The following MIS18A variants were observed in gnomAD, a reference collection of about 807,000 sequenced individuals.
MIS18A encodes the protein MIS18 kinetochore protein A.
In MIS18A, 14 loss-of-function variants were observed where a neutral mutation model predicts 25.0. The ratio of observed to expected loss-of-function variants is 0.56; its 90% CI spans 0.37 to 0.88. The LOEUF (loss-of-function observed/expected upper bound fraction) is 0.88. MIS18A is among the 40% of genes least tolerant of loss of function. MIS18A has a pLI of 0.00. For missense variants in MIS18A, 292 were observed against 290.8 expected (o/e 1.00, Z -0.03); for synonymous variants, 134 against 118.6 (o/e 1.13, Z -0.84).
At chr21:32,221,189 C>T in the MIS18A span, among the ~76,000 whole-genome samples, 1 of 152,006 alleles carries the variant, frequency 6.6e-6, no homozygotes, top group Non-Finnish European at 1.5e-5. Flanking sequence ...ACAGATTCAC[C>T]AAGGTTGAAA....
downstream of MIS18A, among the ~76,000 whole-genome samples, chr21:32,265,719 A>G (rs1028985755): frequency 7.2e-5 from 11 of 152,370 alleles, no homozygotes; most frequent in African/African-American, 1.7e-4. Flanking sequence ...GAATGCGAGC[A>G]CAGGGCACAG....
chr21:32,187,805 T>C, the MIS18A span, among the ~76,000 whole-genome samples: 1 of 152,196 alleles, frequency 6.6e-6, no homozygotes, highest in African/African-American at 2.4e-5. Context: ...TTTTACCCTA[T>C]TTGCATGCTA....
the MIS18A span, among the ~76,000 whole-genome samples, chr21:32,253,160 C>T: frequency 1.3e-5 from 2 of 152,146 alleles, no homozygotes; most frequent in Non-Finnish European, 1.5e-5. Flanking sequence ...TGGTGCCCCC[C>T]CGCACGACCC....
the MIS18A span, among the ~76,000 whole-genome samples, chr21:32,241,814 A>C: frequency 1.3e-5 from 2 of 152,364 alleles, no homozygotes; most frequent in Admixed American, 6.5e-5. Context: ...CCCACAGAAG[A>C]CTCAAAGAAA....
downstream of MIS18A, among the ~76,000 whole-genome samples, chr21:32,264,868 G>A (rs1407632646): frequency 6.6e-6 from 1 of 152,202 alleles, no homozygotes; most frequent in Non-Finnish European, 1.5e-5. Flanking sequence ...GGTGCCTCCA[G>A]TGGACTCTTT....
intron 2 of MIS18A, among the ~76,000 whole-genome samples, chr21:32,274,294 T>G (rs1296425363): frequency 7.9e-6 from 1 of 127,288 alleles, no homozygotes; most frequent in Non-Finnish European, 1.6e-5. Flanking sequence ...AACCTCCACC[T>G]CCGTAGTTCT....
Position 32,279,032 on chromosome 21 carries a change from C to A in MIS18A, c.-18G>T, listed in dbSNP as rs771463720. The A allele has an allele frequency of 1.3e-6, 2 of 1,570,882 alleles. No homozygotes were observed. Among genetic ancestry groups the A allele is most frequent in the African/African-American group, 2.7e-5 (2 of 73,902 alleles). On this transcript the variant is annotated 5_prime_UTR_variant, in exon 1 of 5. Transcript: ENST00000290130. The stretch of plus-strand genomic sequence containing the variant: ...CCTGCCATTACCTACAAATCGCCCG[C>A]GCCCCAGAGCGCCATGGGAAAAAAA...
the MIS18A span, among the ~76,000 whole-genome samples, chr21:32,157,857 A>G: frequency 6.6e-6 from 1 of 152,140 alleles, no homozygotes; most frequent in Non-Finnish European, 1.5e-5. Context: ...TACTATTTTA[A>G]CTGTTTAGTA....
At chr21:32,208,724 A>C in the MIS18A span, among the ~76,000 whole-genome samples, 1 of 152,218 alleles carries the variant, frequency 6.6e-6, no homozygotes, top group African/African-American at 2.4e-5. Context: ...CCACCAATTT[A>C]CAGGAGCTTT....
the MIS18A span, among the ~76,000 whole-genome samples, chr21:32,248,531 T>C: frequency 6.6e-6 from 1 of 152,144 alleles, no homozygotes; most frequent in African/African-American, 2.4e-5. Flanking sequence ...GACTAAAACA[T>C]AGATAAATAC....
chr21:32,240,121 G>C, the MIS18A span, among the ~76,000 whole-genome samples: 1 of 152,218 alleles, frequency 6.6e-6, no homozygotes, highest in Non-Finnish European at 1.5e-5. Flanking sequence ...TGCTGCGAAC[G>C]TTGCATCGCA....
chr21:32,207,586 C>T, the MIS18A span, among the ~76,000 whole-genome samples: 7 of 152,234 alleles, frequency 4.6e-5, no homozygotes, highest in Admixed American at 1.3e-4. Context: ...CAGCTGTCTA[C>T]GGTGGAGGGG....
chr21:32,169,449 G>A, the MIS18A span, among the ~76,000 whole-genome samples: 1 of 152,164 alleles, frequency 6.6e-6, no homozygotes, highest in African/African-American at 2.4e-5. Flanking sequence ...TGGGCCAAAT[G>A]AGAGGCTGGC....
chr21:32,269,591 C>A, intron 4 of MIS18A, 116 bp downstream of exon 4: 2 of 620,148 alleles, frequency 3.2e-6, no homozygotes, highest in South Asian at 4.7e-5. Flanking sequence ...ATGAAATAAG[C>A]ACACTCTTCC....
the MIS18A span, among the ~76,000 whole-genome samples, chr21:32,192,902 AC>A: frequency 1.3e-5 from 2 of 152,196 alleles, no homozygotes; most frequent in Non-Finnish European, 2.9e-5. Context: ...TAAACAGATA[AC>A]TGCATCCCCA....
At chr21:32,202,236 C>T in the MIS18A span, among the ~76,000 whole-genome samples, 11 of 151,306 alleles carry the variant, frequency 7.3e-5, no homozygotes, top group South Asian at 2.1e-4. Flanking sequence ...TGCAGTGAGC[C>T]GTGACTGTGC....
chr21:32,213,351 A>G, the MIS18A span, among the ~76,000 whole-genome samples: 1 of 152,270 alleles, frequency 6.6e-6, no homozygotes, highest in Non-Finnish European at 1.5e-5. Context: ...AAGAATCAGC[A>G]CTGTACGTTC....
At chr21:32,225,037 C>G in the MIS18A span, among the ~76,000 whole-genome samples, 2 of 140,200 alleles carry the variant, frequency 1.4e-5, no homozygotes, top group Non-Finnish European at 3.1e-5. Flanking sequence ...GAAAGGATTC[C>G]CTATTTAATA....
chr21:32,159,425 TCA>T, the MIS18A span, among the ~76,000 whole-genome samples: 1 of 152,264 alleles, frequency 6.6e-6, no homozygotes, highest in African/African-American at 2.4e-5. Context: ...TTAGCTGTTG[TCA>T]TTTAAGCCAA....
Sources: allele counts gnomAD v4.1 joint callset (sites outside exome capture counted in the v4.1 genomes callset), GRCh38; gene constraint gnomAD v4.1.1; transcripts MANE v1.5; gene names NCBI Gene and HGNC (gene_info 2026-07-23, HGNC 2026-07-21).